NDUFA9: variants seen among roughly 807,000 people sequenced by gnomAD.
The protein encoded by NDUFA9 is NADH:ubiquinone oxidoreductase subunit A9.
Under a neutral mutation model 45.9 loss-of-function variants are expected in NDUFA9, and 23 were observed. That is an observed-to-expected ratio of 0.50 (90% CI 0.36 to 0.71). The LOEUF is 0.71. NDUFA9 is among the 30% of genes least tolerant of loss of function. The probability of loss-of-function intolerance (pLI) is 0.00; values close to 1 mark genes in which losing one functional copy is unlikely to be tolerated. For missense variants in NDUFA9, 466 were observed against 488.2 expected, an observed-to-expected ratio of 0.95 and a Z score of 0.43; for synonymous variants, 176 against 170.5, an observed-to-expected ratio of 1.03 and a Z score of -0.25.
intron 1 of NDUFA9, among the ~76,000 whole-genome samples, chr12:4,650,120 G>C (rs1565563382): frequency 6.6e-6 from 1 of 152,230 alleles, no homozygotes; most frequent in Admixed American, 6.5e-5. Context: ...AATGAGGACT[G>C]AGTGTAGAGC....
chr12:4,683,096 C>T (rs143052547), intron 9 of NDUFA9, among the ~76,000 whole-genome samples: 2 of 150,930 alleles, frequency 1.3e-5, no homozygotes, highest in Non-Finnish European at 2.9e-5. Context: ...GTCCCAGCTA[C>T]TTGGGAGGCT....
chr12:4,656,516 G>A (rs1945791734), intron 3 of NDUFA9, among the ~76,000 whole-genome samples: 1 of 152,218 alleles, frequency 6.6e-6, no homozygotes, highest in African/African-American at 2.4e-5. Flanking sequence ...TCAGAGACTT[G>A]TATGTTTAGT....
rs1180650841 is a variant in NDUFA9 at position 4,665,402 on chromosome 12, C to T, written c.655+2767C>T. 3.3e-5 allele frequency among the ~76,000 whole-genome samples: 5 copies of T among 152,286 alleles called. No individual in the cohort carries two copies. The East Asian group carries it at 7.7e-4, about 24-fold the overall frequency. On this transcript the variant is annotated intron_variant, in intron 6 of 10. Transcript: ENST00000266544. The stretch of plus-strand genomic sequence containing the variant: ...CTCAAGGTGCATTCCTGTTGTACCA[C>T]GTGATGTGATTTCCTTCCTACTGAA...
At chr12:4,653,705 CTTTTT>C in intron 1 of NDUFA9, 1 of 336,076 alleles carries the variant, frequency 3.0e-6, no homozygotes, top group Non-Finnish European at 5.6e-6. Flanking sequence ...GAACTGCATT[CTTTTT>C]TTTTTTTTTT....
chr12:4,654,238 G>A, intron 1 of NDUFA9, 54 bp from the exon 2 acceptor site: 2 of 1,521,910 alleles, frequency 1.3e-6, no homozygotes, highest in Non-Finnish European at 1.8e-6. Flanking sequence ...TGTGTTGACA[G>A]TTTTAAAAAT....
At chr12:4,655,653 T>G (rs1385408753) in intron 3 of NDUFA9, 1 of 152,224 alleles carries the variant, frequency 6.6e-6, no homozygotes, top group African/African-American at 2.4e-5. Flanking sequence ...ATAGGGTGTT[T>G]TATAACTTGG....
In NDUFA9 at chr12:4,659,090, G is replaced by A; in HGVS notation, c.465G>A (p.Leu155=). The change falls in exon 5 of 11, where the codon CTG becomes CTA. Residue 155 remains leucine (L), a synonymous_variant. Transcript: ENST00000266544. ...FVKIPQAIAQ[L]SKEAGVEKFI... is the part of the protein sequence containing the mutation. Reference sequence around the variant, plus strand: ...AGATTCCCCAAGCAATTGCTCAACTGTCCAAGGAAGCTGGAGTTGAAAAAT... The same window carrying A: ...AGATTCCCCAAGCAATTGCTCAACTATCCAAGGAAGCTGGAGTTGAAAAAT... The A allele has an allele frequency of 6.2e-7, 1 of 1,612,672 alleles. No homozygotes were observed. The highest frequency in any genetic ancestry group is 8.5e-7 in the Non-Finnish European group (1 of 1,178,816).
chr12:4,649,575 C>T (rs1461038574), intron 1 of NDUFA9, among the ~76,000 whole-genome samples: 1 of 152,088 alleles, frequency 6.6e-6, no homozygotes, highest in African/African-American at 2.4e-5. Context: ...GATTTTATGA[C>T]CTTGTGCAAA....
At chr12:4,680,632 G>A (rs1322042329) in intron 8 of NDUFA9, among the ~76,000 whole-genome samples, 1 of 152,166 alleles carries the variant, frequency 6.6e-6, no homozygotes, top group Admixed American at 6.5e-5. Flanking sequence ...AGTTGCTCTT[G>A]GCGTAGCATG....
chr12:4,673,203 C>A (rs1481184843), intron 8 of NDUFA9, among the ~76,000 whole-genome samples: 1 of 152,122 alleles, frequency 6.6e-6, no homozygotes. Context: ...ACTCAGAGAC[C>A]CCAGCCGAAG....
At chr12:4,656,055 T>C (rs1360907608) in intron 3 of NDUFA9, 1 of 150,010 alleles carries the variant, frequency 6.7e-6, no homozygotes, top group Non-Finnish European at 1.5e-5. Flanking sequence ...CATTTTCCCT[T>C]TTAAAAAATA....
In NDUFA9 at chr12:4,669,872, A is replaced by G. The variant is rs535045461; in HGVS notation, c.800+55A>G. The G allele has an allele frequency of 1.5e-4, 181 of 1,232,426 alleles. 1 individual carries two copies. The East Asian group carries it at 4.1e-3, about 28-fold the overall frequency. The allele number at this position is 1,232,426 out of a possible 1,614,324, so 76.3% of individuals were successfully genotyped here. On this transcript the variant is annotated intron_variant, in intron 8 of 10. Coordinates refer to ENST00000266544, the MANE Select transcript of NDUFA9 (RefSeq NM_005002.5). Reference sequence around the variant, plus strand: ...GTGCTATTATAATGAAGGAATCAATATCTAAATTAGTTACTAACAGATTTA... The same window carrying G: ...GTGCTATTATAATGAAGGAATCAATGTCTAAATTAGTTACTAACAGATTTA...
chr12:4,653,218 C>T (rs962414227), intron 1 of NDUFA9, among the ~76,000 whole-genome samples: 2 of 152,206 alleles, frequency 1.3e-5, no homozygotes. Flanking sequence ...TTTGACAGGA[C>T]AGGGAATGTT....
chr12:4,654,263 T>C, intron 1 of NDUFA9, 29 bp from the exon 2 acceptor site: 2 of 1,576,598 alleles, frequency 1.3e-6, no homozygotes, highest in Non-Finnish European at 1.7e-6. Flanking sequence ...ATATTTGCCA[T>C]GCTTGTATAC....
intron 8 of NDUFA9, among the ~76,000 whole-genome samples, chr12:4,675,957 G>A (rs1012441074): frequency 6.6e-6 from 1 of 152,146 alleles, no homozygotes; most frequent in African/African-American, 2.4e-5. Context: ...GATAAAGTTG[G>A]CTTCATCCGG....
At chr12:4,681,958 G>A (rs964036351) in intron 8 of NDUFA9, among the ~76,000 whole-genome samples, 2 of 152,090 alleles carry the variant, frequency 1.3e-5, no homozygotes, top group Admixed American at 6.5e-5. Flanking sequence ...AAGACATTAC[G>A]GAATAGAATG....
intron 5 of NDUFA9, among the ~76,000 whole-genome samples, chr12:4,661,050 G>A (rs904988780): frequency 6.6e-6 from 1 of 152,060 alleles, no homozygotes; most frequent in African/African-American, 2.4e-5. Flanking sequence ...CTGGTAGGGA[G>A]ATGCTGGTAA....
rs375132122 is a variant in NDUFA9 at position 4,682,181 on chromosome 12, G to A, written c.801-24G>A. The stretch of plus-strand genomic sequence containing the variant: ...CTTTGTGAGAAGCGTGTAATTGAAA[G>A]AACTGTGTATTGTCTTTTTATAGTC... On this transcript the variant is annotated intron_variant, in intron 8 of 10. Coordinates refer to ENST00000266544, the MANE Select transcript of NDUFA9 (RefSeq NM_005002.5). 61 of 1,529,900 alleles carry A rather than the reference G, an allele frequency of 4.0e-5. No individual in the cohort carries two copies. The African/African-American group carries it at 6.4e-4, about 16-fold the overall frequency. The allele number at this position is 1,529,900 out of a possible 1,614,324, so 94.8% of individuals were successfully genotyped here. A position where few individuals can be genotyped will look rare whatever the true frequency, so the allele number is the denominator to read the frequency against.
chr12:4,653,506 G>C (rs1289070855), intron 1 of NDUFA9: 1 of 380,736 alleles, frequency 2.6e-6, no homozygotes, highest in Non-Finnish European at 5.0e-6. Flanking sequence ...TGTAAGCATT[G>C]GTACATGAAC....
Sources: allele counts gnomAD v4.1 joint callset (sites outside exome capture counted in the v4.1 genomes callset), GRCh38; gene constraint gnomAD v4.1.1; transcripts MANE v1.5; gene names NCBI Gene and HGNC (gene_info 2026-07-23, HGNC 2026-07-21).